DNAH8: variants seen among roughly 807,000 people sequenced by gnomAD.
DNAH8 encodes the protein dynein axonemal heavy chain 8.
DNAH8 carries 382 observed loss-of-function variants against 562.1 expected under a neutral mutation model. The observed-to-expected ratio is 0.68, with a 90% confidence interval of 0.63 to 0.74. The LOEUF (loss-of-function observed/expected upper bound fraction) is 0.74, where lower values mean the gene tolerates loss of function less well. DNAH8 is among the 30% of genes least tolerant of loss of function. The probability of loss-of-function intolerance (pLI) is 0.00; values close to 1 mark genes in which losing one functional copy is unlikely to be tolerated. For synonymous variants in DNAH8, 1,881 were observed against 1,919.4 expected (o/e 0.98, Z 0.52); for missense variants, 5,203 against 5,620.4 (o/e 0.93, Z 2.37).
chr6:38,860,944 TC>T (rs1239759924), intron 43 of DNAH8, among the ~76,000 whole-genome samples: 1 of 152,154 alleles, frequency 6.6e-6, no homozygotes, highest in Non-Finnish European at 1.5e-5. Context: ...AGAAGGAAGG[TC>T]CCTTGGAGAT....
chr6:38,754,402 G>A (rs1765734091), intron 9 of DNAH8, among the ~76,000 whole-genome samples: 1 of 152,052 alleles, frequency 6.6e-6, no homozygotes, highest in South Asian at 2.1e-4. Context: ...TATATAATAT[G>A]AATTCTGGCC....
chr6:38,728,922 A>T (rs1483022180), intron 3 of DNAH8, among the ~76,000 whole-genome samples: 1 of 152,096 alleles, frequency 6.6e-6, no homozygotes, highest in African/African-American at 2.4e-5. Context: ...AGAGATACTC[A>T]TGGCCAGGTG....
chr6:38,972,940 G>A (rs2150692949), intron 83 of DNAH8, among the ~76,000 whole-genome samples: 1 of 152,204 alleles, frequency 6.6e-6, no homozygotes, highest in Middle Eastern at 3.4e-3. Context: ...TTGAGACATG[G>A]TATATATGCC....
intron 4 of DNAH8, among the ~76,000 whole-genome samples, chr6:38,733,256 T>TAA (rs1562581365): frequency 6.6e-6 from 1 of 151,994 alleles, no homozygotes; most frequent in African/African-American, 2.4e-5. Flanking sequence ...CTGTTGATTT[T>TAA]TGCAAATTAA....
chr6:38,803,340 T>G (rs1290937725), intron 22 of DNAH8, 29 bp downstream of exon 22: 1 of 1,567,406 alleles, frequency 6.4e-7, no homozygotes, highest in East Asian at 2.3e-5. Context: ...GTGTTTGAAT[T>G]ACAAGATCTA....
chr6:38,929,677 TAAAAA>T lies in DNAH8; in HGVS notation c.11274+22_11274+26del. ...GGCACCACTTTCAAGGTGAGCTTTG[TAAAAA>T]AAAAAAAAAAGAAAGAAAGAAAGAA... is the stretch of plus-strand genomic sequence containing the variant. On this transcript the variant is annotated intron_variant, in intron 75 of 92. Transcript: ENST00000327475. 3 of 1,097,470 alleles carry T rather than the reference TAAAAA, an allele frequency of 2.7e-6. No individual in the cohort carries two copies. Among genetic ancestry groups the T allele is most frequent in the Non-Finnish European group, 2.3e-6 (2 of 852,756 alleles). The allele number at this position is 1,097,470 out of a possible 1,614,324, so 68.0% of individuals were successfully genotyped here.
intron 11 of DNAH8, among the ~76,000 whole-genome samples, chr6:38,762,383 T>A: frequency 6.6e-6 from 1 of 152,170 alleles, no homozygotes; most frequent in East Asian, 1.9e-4. Flanking sequence ...TTTTTAGACT[T>A]TCTAAAATTA....
In DNAH8 at chr6:38,896,222, A is replaced by G; in HGVS notation, c.8937A>G (p.Glu2979=). ...DSVFEVPKIY[E]LMPSFDFLAE... is the part of the protein sequence containing the mutation. ...TGTTTGAAGTACCCAAAATATATGAATTGGTATTTATTTTCATCTCTTAAA... is the reference window on the plus strand; with the variant it reads ...TGTTTGAAGTACCCAAAATATATGAGTTGGTATTTATTTTCATCTCTTAAA... Residue 2979 remains glutamate (E), a synonymous_variant, in exon 60 of 93, where the codon GAA becomes GAG. Transcript: ENST00000327475. 6.2e-7 allele frequency: 1 copy of G among 1,610,916 alleles called. No homozygotes were observed. Among genetic ancestry groups the G allele is most frequent in the African/African-American group, 1.3e-5 (1 of 74,858 alleles).
chr6:38,748,486 A>G (rs1765146418), intron 8 of DNAH8, among the ~76,000 whole-genome samples: 1 of 152,148 alleles, frequency 6.6e-6, no homozygotes, highest in Admixed American at 6.5e-5. Context: ...GGTTTTGTTC[A>G]GAGCATATTA....
intron 71 of DNAH8, among the ~76,000 whole-genome samples, chr6:38,922,269 G>T (rs1250655694): frequency 6.6e-6 from 1 of 151,528 alleles, no homozygotes; most frequent in Non-Finnish European, 1.5e-5. Flanking sequence ...ACAATCTAGT[G>T]TGCAGTGTGG....
chr6:38,849,170 C>T (rs988710311), intron 37 of DNAH8, among the ~76,000 whole-genome samples: 2 of 152,062 alleles, frequency 1.3e-5, no homozygotes, highest in African/African-American at 4.8e-5. Flanking sequence ...TGAATAATCT[C>T]GAGGTTGTTT....
chr6:38,716,284 T>C (rs1156859772), intron 1 of DNAH8, among the ~76,000 whole-genome samples: 3 of 151,868 alleles, frequency 2.0e-5, no homozygotes, highest in Non-Finnish European at 2.9e-5. Context: ...TTTTTAAAAA[T>C]TCAAAAATAA....
Position 38,894,790 on chromosome 6 carries a change from A to G in DNAH8, c.8673A>G (p.Lys2891=), listed in dbSNP as rs1301374240. 6.2e-7 allele frequency: 1 copy of G among 1,613,986 alleles called. No homozygotes were observed. Among genetic ancestry groups the G allele is most frequent in the East Asian group, 2.2e-5 (1 of 44,854 alleles). Residue 2891 remains lysine, a synonymous_variant, in exon 59 of 93, where the codon AAA becomes AAG. Transcript: ENST00000327475. ...SRIWQGMLTI[K]AEECASIPTL... ...TTTGGCAAGGAATGTTGACCATAAA[A>G]GCTGAGGAGTGCGCTTCAATCCCTA...
At chr6:38,882,822 A>G in intron 53 of DNAH8, 88 bp from the exon 54 acceptor site, 1 of 842,958 alleles carries the variant, frequency 1.2e-6, no homozygotes, top group Non-Finnish European at 1.7e-6. Context: ...GATTCTATTG[A>G]TTGTTTATTG....
chr6:39,022,067 T>C (rs1381620311), intron 91 of DNAH8, among the ~76,000 whole-genome samples: 1 of 152,208 alleles, frequency 6.6e-6, no homozygotes, highest in Non-Finnish European at 1.5e-5. Flanking sequence ...GTTTCCAAAG[T>C]ATAATCCTAG....
chr6:38,828,903 C>T (rs1020418877), intron 30 of DNAH8, among the ~76,000 whole-genome samples: 13 of 152,200 alleles, frequency 8.5e-5, no homozygotes, highest in African/African-American at 3.1e-4. Context: ...CTCTCTTGCC[C>T]CAGCCCTGGC....
chr6:39,023,797 C>T (rs947912281), intron 91 of DNAH8, among the ~76,000 whole-genome samples: 9 of 152,224 alleles, frequency 5.9e-5, no homozygotes, highest in African/African-American at 1.7e-4. Context: ...ATCTTCTCTA[C>T]GTTCTCTGAA....
At chr6:38,887,499 G>C (rs556367259) in intron 57 of DNAH8, among the ~76,000 whole-genome samples, 6 of 152,262 alleles carry the variant, frequency 3.9e-5, no homozygotes, top group African/African-American at 1.4e-4. Context: ...TGGAGGCCAG[G>C]AGATCAAGAG....
chr6:38,918,239 A>C, intron 70 of DNAH8, 99 bp downstream of exon 70: 1 of 813,158 alleles, frequency 1.2e-6, no homozygotes, highest in Non-Finnish European at 1.9e-6. Context: ...AGACCAATAA[A>C]GGTAGATGTC....
Sources: allele counts gnomAD v4.1 joint callset (sites outside exome capture counted in the v4.1 genomes callset), GRCh38; gene constraint gnomAD v4.1.1; transcripts MANE v1.5; gene names NCBI Gene and HGNC (gene_info 2026-07-23, HGNC 2026-07-21).